Variants in NOPCHAP1 observed in about 807,000 individuals in gnomAD.
NOPCHAP1 encodes NOP protein chaperone 1, also known as DNA damage-sensitive RNA 1.
A neutral mutation model predicts 14.0 loss-of-function variants in NOPCHAP1; 13 were observed. The ratio of observed to expected loss-of-function variants is 0.93; its 90% CI spans 0.60 to 1.47. The LOEUF is 1.47. Among genes scored for constraint, NOPCHAP1 ranks in the 40% most tolerant of loss-of-function variants. NOPCHAP1 has a pLI of 0.00. For synonymous variants in NOPCHAP1, 78 were observed against 78.4 expected, an observed-to-expected ratio of 1.00 and a Z score of 0.03; for missense variants, 230 against 226.9, an observed-to-expected ratio of 1.01 and a Z score of -0.09.
chr12:104,986,540 C>A, intron 1 of NOPCHAP1, 73 bp downstream of exon 1: 1 of 1,288,420 alleles, frequency 7.8e-7, no homozygotes, highest in Non-Finnish European at 1.0e-6. Context: ...AGTTTGGGAG[C>A]CGGCCGGTGG....
At chr12:104,993,139 A>C (rs1170636453) in intron 3 of NOPCHAP1, among the ~76,000 whole-genome samples, 2 of 151,978 alleles carry the variant, frequency 1.3e-5, no homozygotes, top group East Asian at 3.8e-4. Context: ...TTATTTTTCC[A>C]TATTTTCACA....
In NOPCHAP1 at chr12:104,996,984, A is replaced by G. The variant is rs1873512876; in HGVS notation, c.*2288A>G. On this transcript the variant is annotated 3_prime_UTR_variant, in exon 4 of 4. Transcript: ENST00000552951. Reference sequence around the variant, plus strand: ...ACTTTGAGCTTCTGAGTGTCACTGCATGTGAGGTGGGTCTCTTGAAGATAG... The same window carrying G: ...ACTTTGAGCTTCTGAGTGTCACTGCGTGTGAGGTGGGTCTCTTGAAGATAG... 6.6e-6 allele frequency: 1 copy of G among 152,140 alleles called. No homozygotes were observed. The highest frequency in any genetic ancestry group is 2.4e-5 in the African/African-American group (1 of 41,410). 9.4% of individuals were successfully genotyped at this position (152,140 alleles called of 1,614,324 possible).
chr12:105,013,176 C>G lies in NOPCHAP1; in HGVS notation c.*18480C>G, dbSNP rs767536903. The G allele has an allele frequency of 6.6e-6, 1 of 152,308 alleles. No individual in the cohort carries two copies. The highest frequency in any genetic ancestry group is 6.5e-5 in the Admixed American group (1 of 15,284). 9.4% of individuals were successfully genotyped at this position (152,308 alleles called of 1,614,324 possible). On this transcript the variant is annotated 3_prime_UTR_variant, in exon 4 of 4. Transcript: ENST00000552951. The stretch of plus-strand genomic sequence containing the variant: ...ACTGCTGCCTTTCTTTCAGAGATGC[C>G]CTGCCAGAGAGGAATCTAGAGAGGC...
intron 2 of NOPCHAP1, among the ~76,000 whole-genome samples, chr12:104,989,457 A>G (rs986771035): frequency 6.6e-6 from 1 of 152,208 alleles, no homozygotes; most frequent in East Asian, 1.9e-4. Flanking sequence ...AGACATCACT[A>G]CACTTTCTTT....
In NOPCHAP1 at chr12:105,006,696, C is replaced by T. The variant is rs1368603684; in HGVS notation, c.*12000C>T. 2.6e-5 allele frequency: 4 copies of T among 152,110 alleles called. No individual in the cohort carries two copies. The highest frequency in any genetic ancestry group is 5.9e-5 in the Non-Finnish European group (4 of 68,042). 9.4% of individuals were successfully genotyped at this position (152,110 alleles called of 1,614,324 possible). On this transcript the variant is annotated 3_prime_UTR_variant, in exon 4 of 4. Coordinates refer to ENST00000552951, the MANE Select transcript of NOPCHAP1 (RefSeq NM_152318.3). ...GATCATAAATCTAATTGCATTTGCA[C>T]AAAACAGTAGAGTTAACCTATCCCT... is the stretch of plus-strand genomic sequence containing the variant.
Position 104,994,563 on chromosome 12 carries a change from G to C in NOPCHAP1, c.425G>C (p.Ser142Thr). The change falls in exon 4 of 4, where the codon AGT becomes ACT. Residue 142 changes from serine (S) to threonine (T), a missense_variant. Coordinates refer to ENST00000552951, the MANE Select transcript of NOPCHAP1 (RefSeq NM_152318.3). ...EESSQDSSEN[S>T]SESEDEDDSI... ...AGTTCACAAGACAGTTCAGAGAACA[G>C]TTCAGAATCAGAAGACGAAGATGAC... 1 of 1,612,946 alleles carries C rather than the reference G, an allele frequency of 6.2e-7. No individual in the cohort carries two copies. The highest frequency in any genetic ancestry group is 8.5e-7 in the Non-Finnish European group (1 of 1,179,322).
rs1186413122 is a variant in NOPCHAP1, at chr12:105,016,001, T to A, written c.*21305T>A. ...GTCAAGAAAGGTTTTTTTTTTTTTT[T>A]TTAAAAAGCATAACATCAAAGCCTA... is the stretch of plus-strand genomic sequence containing the variant. On this transcript the variant is annotated 3_prime_UTR_variant, in exon 4 of 4. Transcript: ENST00000552951. 6 of 143,470 alleles carry A rather than the reference T, an allele frequency of 4.2e-5. No individual in the cohort carries two copies. The highest frequency in any genetic ancestry group is 2.2e-4 in the South Asian group (1 of 4,592). 8.9% of individuals were successfully genotyped at this position (143,470 alleles called of 1,614,324 possible). A position where few individuals can be genotyped will look rare whatever the true frequency, so the allele number is the denominator to read the frequency against.
intron 3 of NOPCHAP1, among the ~76,000 whole-genome samples, 200 bp from the exon 4 acceptor site, chr12:104,994,278 C>G (rs572823117): frequency 6.6e-6 from 1 of 152,044 alleles, no homozygotes; most frequent in Non-Finnish European, 1.5e-5. Flanking sequence ...GCCCAGGAGG[C>G]GGAGGGGGCA....
At position 104,986,404 on chromosome 12, in the gene NOPCHAP1, C is replaced by T. The variant is rs1372485617; in HGVS notation, c.52C>T (p.Arg18Trp). 5.0e-6 allele frequency: 8 copies of T among 1,611,814 alleles called. No individual in the cohort carries two copies. Among genetic ancestry groups the T allele is most frequent in the Non-Finnish European group, 6.8e-6 (8 of 1,179,164 alleles). ...TAGCCCGAGTTGTTCGTCGCCCACCCGGGATTCCTCAGGAGTCCCAGTGTC... is the reference window on the plus strand; with the variant it reads ...TAGCCCGAGTTGTTCGTCGCCCACCTGGGATTCCTCAGGAGTCCCAGTGTC... ...KASPSCSSPT[R>W]DSSGVPVSKE... Residue 18 changes from arginine (R) to tryptophan (W), a missense_variant, in exon 1 of 4, where the codon CGG (arginine) becomes TGG (tryptophan). Physicochemically the swap from Arg to Trp is moderately radical, Grantham distance 101. Transcript: ENST00000552951.
Position 105,015,824 on chromosome 12 carries a change from A to G in NOPCHAP1, c.*21128A>G, listed in dbSNP as rs1304396645. Reference sequence around the variant, plus strand: ...GGTAAAATGGATGAATTATTCATAAATAATGTCAGAACCAGCTATTTCAAA... The same window carrying G: ...GGTAAAATGGATGAATTATTCATAAGTAATGTCAGAACCAGCTATTTCAAA... On this transcript the variant is annotated 3_prime_UTR_variant, in exon 4 of 4. Coordinates refer to ENST00000552951, the MANE Select transcript of NOPCHAP1 (RefSeq NM_152318.3). 6.6e-6 allele frequency: 1 copy of G among 152,198 alleles called. No individual in the cohort carries two copies. Among genetic ancestry groups the G allele is most frequent in the Non-Finnish European group, 1.5e-5 (1 of 68,034 alleles). 9.4% of individuals were successfully genotyped at this position (152,198 alleles called of 1,614,324 possible).
In NOPCHAP1 at chr12:105,002,427, GA is replaced by G. The variant is rs1873626563; in HGVS notation, c.*7733del. ...GTTAATCCTGTTTCAGGCACTGCCA[GA>G]AGTATCCCTTGGTGTATTGGAACCT... is the stretch of plus-strand genomic sequence containing the variant. On this transcript the variant is annotated 3_prime_UTR_variant, in exon 4 of 4. Transcript: ENST00000552951. The G allele has an allele frequency of 6.6e-6, 1 of 152,200 alleles. No homozygotes were observed. 9.4% of individuals were successfully genotyped at this position (152,200 alleles called of 1,614,324 possible).
At position 105,005,528 on chromosome 12, in the gene NOPCHAP1, AG is replaced by A. The variant is rs1269696627; in HGVS notation, c.*10833del. ...TGTGGAAGGTGAAGTGAAGTTACAA[AG>A]TTGTAACCCTGCGCAAAGACTAGGC... is the stretch of plus-strand genomic sequence containing the variant. On this transcript the variant is annotated 3_prime_UTR_variant, in exon 4 of 4. Transcript: ENST00000552951. 4 of 152,240 alleles carry A rather than the reference AG, an allele frequency of 2.6e-5. No homozygotes were observed. The highest frequency in any genetic ancestry group is 4.4e-5 in the Non-Finnish European group (3 of 68,052). The allele number at this position is 152,240 out of a possible 1,614,324, so 9.4% of individuals were successfully genotyped here. A position where few individuals can be genotyped will look rare whatever the true frequency, so the allele number is the denominator to read the frequency against.
rs1363648700 is a variant in NOPCHAP1, at chr12:105,013,078, C to T, written c.*18382C>T. On this transcript the variant is annotated 3_prime_UTR_variant, in exon 4 of 4. Transcript: ENST00000552951. ...ATGTTTAAGTCTGCTGAAGCTGCGC[C>T]CACAGCCACCCGATCCCCCAGGTGT... 6.6e-6 allele frequency: 1 copy of T among 152,366 alleles called. No homozygotes were observed. Among genetic ancestry groups the T allele is most frequent in the African/African-American group, 2.4e-5 (1 of 41,454 alleles). 9.4% of individuals were successfully genotyped at this position (152,366 alleles called of 1,614,324 possible).
chr12:105,014,132 C>T lies in NOPCHAP1; in HGVS notation c.*19436C>T, dbSNP rs1219782250. 2.0e-5 allele frequency: 3 copies of T among 152,202 alleles called. No homozygotes were observed. The highest frequency in any genetic ancestry group is 4.8e-5 in the African/African-American group (2 of 41,444). The allele number at this position is 152,202 out of a possible 1,614,324, so 9.4% of individuals were successfully genotyped here. A position where few individuals can be genotyped will look rare whatever the true frequency, so the allele number is the denominator to read the frequency against. ...ACAGGAGGTGACCACAAAGTTATTACAGTACTAGAGTTAATTTTATGCAGT... is the reference window on the plus strand; with the variant it reads ...ACAGGAGGTGACCACAAAGTTATTATAGTACTAGAGTTAATTTTATGCAGT... On this transcript the variant is annotated 3_prime_UTR_variant, in exon 4 of 4. Coordinates refer to ENST00000552951, the MANE Select transcript of NOPCHAP1 (RefSeq NM_152318.3).
chr12:104,987,666 T>C (rs374076993), intron 1 of NOPCHAP1, among the ~76,000 whole-genome samples: 56 of 151,996 alleles, frequency 3.7e-4, no homozygotes, highest in African/African-American at 1.3e-3. Context: ...AAAGGTAGAG[T>C]GGGTGACAAA....
intron 3 of NOPCHAP1, among the ~76,000 whole-genome samples, chr12:104,992,268 T>C (rs1039396688): frequency 2.0e-5 from 3 of 152,224 alleles, no homozygotes; most frequent in African/African-American, 7.2e-5. Context: ...GTTTATAATA[T>C]CTGTGTCTGG....
Position 105,006,799 on chromosome 12 carries a change from A to T in NOPCHAP1, c.*12103A>T, listed in dbSNP as rs1322785083. On this transcript the variant is annotated 3_prime_UTR_variant, in exon 4 of 4. Transcript: ENST00000552951. The stretch of plus-strand genomic sequence containing the variant: ...CTTTTTTTTTTAACTTTTAGGTTCA[A>T]GGGTACTTGTGTGCAGGTTTGTTAT... 6.6e-6 allele frequency: 1 copy of T among 151,786 alleles called. No individual in the cohort carries two copies. The allele number at this position is 151,786 out of a possible 1,614,324, so 9.4% of individuals were successfully genotyped here. A position where few individuals can be genotyped will look rare whatever the true frequency, so the allele number is the denominator to read the frequency against.
In NOPCHAP1 at chr12:105,004,691, A is replaced by C. The variant is rs1340660462; in HGVS notation, c.*9995A>C. 1 of 152,228 alleles carries C rather than the reference A, an allele frequency of 6.6e-6. No homozygotes were observed. Among genetic ancestry groups the C allele is most frequent in the East Asian group, 1.9e-4 (1 of 5,204 alleles). 9.4% of individuals were successfully genotyped at this position (152,228 alleles called of 1,614,324 possible). ...GGGTTTAATGAGGGAGGAATATGTG[A>C]AAAAGAAAAAAGATTTTTACAAAGA... On this transcript the variant is annotated 3_prime_UTR_variant, in exon 4 of 4. Transcript: ENST00000552951.
At position 104,998,883 on chromosome 12, in the gene NOPCHAP1, A is replaced by G. The variant is rs1031149981; in HGVS notation, c.*4187A>G. ...GGGGGCGGGCTGCTGGTCTCCATGCATAGTTTCACACCACTGGCAGTGTTG... is the reference window on the plus strand; with the variant it reads ...GGGGGCGGGCTGCTGGTCTCCATGCGTAGTTTCACACCACTGGCAGTGTTG... On this transcript the variant is annotated 3_prime_UTR_variant, in exon 4 of 4. Transcript: ENST00000552951. The G allele has an allele frequency of 2.0e-5, 3 of 152,590 alleles. No individual in the cohort carries two copies. The highest frequency in any genetic ancestry group is 4.4e-5 in the Non-Finnish European group (3 of 68,376). 9.5% of individuals were successfully genotyped at this position (152,590 alleles called of 1,614,324 possible).
Sources: allele counts gnomAD v4.1 joint callset (sites outside exome capture counted in the v4.1 genomes callset), GRCh38; gene constraint gnomAD v4.1.1; transcripts MANE v1.5; gene names NCBI Gene and HGNC (gene_info 2026-07-23, HGNC 2026-07-21).